SIL1: variants seen among roughly 807,000 people sequenced by gnomAD.
SIL1 encodes SIL1 nucleotide exchange factor.
SIL1 carries 40 observed loss-of-function variants against 49.1 expected under a neutral mutation model. The ratio of observed to expected loss-of-function variants is 0.81; its 90% CI spans 0.63 to 1.06. The LOEUF is 1.06. SIL1 is among the 50% of genes least tolerant of loss of function. The pLI, the probability that SIL1 is intolerant of heterozygous loss-of-function variation, is 0.00. For synonymous variants in SIL1, 253 were observed against 250.8 expected, an observed-to-expected ratio of 1.01 and a Z score of -0.08; for missense variants, 500 against 572.6, an observed-to-expected ratio of 0.87 and a Z score of 1.29.
chr5:139,182,402 G>A (rs976435500), intron 1 of SIL1, among the ~76,000 whole-genome samples: 3 of 152,192 alleles, frequency 2.0e-5, no homozygotes, highest in African/African-American at 7.2e-5. Context: ...TATTTCCAGG[G>A]CTAAGCAGGT....
chr5:138,960,688 T>TC (rs1767002085), intron 7 of SIL1, among the ~76,000 whole-genome samples: 2 of 152,250 alleles, frequency 1.3e-5, no homozygotes, highest in Non-Finnish European at 2.9e-5. Context: ...ACTCCTGGCC[T>TC]CAAGTGATCT....
chr5:139,039,471 C>T (rs1412497057), intron 5 of SIL1, among the ~76,000 whole-genome samples: 1 of 152,182 alleles, frequency 6.6e-6, no homozygotes, highest in African/African-American at 2.4e-5. Flanking sequence ...CTAGAAATAG[C>T]AGGCTTTTCT....
At chr5:138,969,890 C>A (rs556885613) in intron 7 of SIL1, among the ~76,000 whole-genome samples, 41 of 152,312 alleles carry the variant, frequency 2.7e-4, no homozygotes, top group African/African-American at 8.7e-4. Context: ...GGGCAAGGAA[C>A]CTCTAACACT....
At chr5:139,050,473 A>G (rs191722262) in intron 4 of SIL1, among the ~76,000 whole-genome samples, 6 of 152,382 alleles carry the variant, frequency 3.9e-5, no homozygotes, top group East Asian at 3.9e-4. Flanking sequence ...TTCTACTTTT[A>G]TACTATAAGA....
At chr5:139,029,479 CAA>C (rs1330313595) in intron 5 of SIL1, among the ~76,000 whole-genome samples, 4 of 152,074 alleles carry the variant, frequency 2.6e-5, no homozygotes, top group Non-Finnish European at 5.9e-5. Flanking sequence ...GATAATTAGC[CAA>C]GAGAGAAAAG....
intron 7 of SIL1, among the ~76,000 whole-genome samples, chr5:138,987,930 G>A (rs530073216): frequency 1.3e-5 from 2 of 152,230 alleles, no homozygotes; most frequent in East Asian, 3.9e-4. Context: ...TCCATCTCCC[G>A]GGTTCAAGCA....
chr5:139,041,532 G>A (rs565500642), intron 5 of SIL1, among the ~76,000 whole-genome samples: 63 of 152,130 alleles, frequency 4.1e-4, no homozygotes, highest in African/African-American at 1.4e-3. Flanking sequence ...TGCCCAGCAC[G>A]GTGGTTCATG....
At chr5:139,033,215 G>T (rs1025224031) in intron 5 of SIL1, among the ~76,000 whole-genome samples, 44 of 152,002 alleles carry the variant, frequency 2.9e-4, no homozygotes, top group African/African-American at 1.0e-3. Context: ...GACTGGTCTC[G>T]AACTCCTGAC....
chr5:139,145,457 G>A, intron 1 of SIL1, among the ~76,000 whole-genome samples: 1 of 152,110 alleles, frequency 6.6e-6, no homozygotes, highest in East Asian at 1.9e-4. Flanking sequence ...ATATGACCCA[G>A]CAATTCTTTG....
chr5:139,160,519 G>A (rs1371734134), intron 1 of SIL1, among the ~76,000 whole-genome samples: 1 of 152,208 alleles, frequency 6.6e-6, no homozygotes, highest in Non-Finnish European at 1.5e-5. Flanking sequence ...CTGTCTTGCT[G>A]GTGTATAGCT....
chr5:139,157,506 G>A (rs189489375), intron 1 of SIL1, among the ~76,000 whole-genome samples: 42 of 152,324 alleles, frequency 2.8e-4, no homozygotes, highest in African/African-American at 9.1e-4. Flanking sequence ...GTTGGTGTGA[G>A]CAGGCTGGCC....
intron 1 of SIL1, among the ~76,000 whole-genome samples, chr5:139,186,498 A>C (rs185930843): frequency 1.8e-4 from 27 of 152,278 alleles, no homozygotes; most frequent in African/African-American, 5.5e-4. Context: ...GAGATTATGA[A>C]TATCTGGCCT....
intron 1 of SIL1, among the ~76,000 whole-genome samples, chr5:139,129,061 C>T (rs1024595389): frequency 6.6e-6 from 1 of 151,852 alleles, no homozygotes; most frequent in Non-Finnish European, 1.5e-5. Context: ...GTGGGAGGAT[C>T]GCGTAAGCCT....
intron 7 of SIL1, among the ~76,000 whole-genome samples, chr5:139,020,940 G>T (rs1248463798): frequency 6.6e-6 from 1 of 152,180 alleles, no homozygotes; most frequent in Non-Finnish European, 1.5e-5. Flanking sequence ...GACCTAAGAT[G>T]TGTTATTAAA....
intron 1 of SIL1, among the ~76,000 whole-genome samples, chr5:139,148,713 C>G (rs1408006251): frequency 6.6e-6 from 1 of 152,118 alleles, no homozygotes; most frequent in Non-Finnish European, 1.5e-5. Context: ...GCCAAGTGGC[C>G]GTCCTTTGCC....
chr5:139,168,758 C>G (rs1268965745), intron 1 of SIL1, among the ~76,000 whole-genome samples: 1 of 151,908 alleles, frequency 6.6e-6, no homozygotes, highest in Non-Finnish European at 1.5e-5. Flanking sequence ...TCGCTTGAAC[C>G]CAGGAGTTTA....
At chr5:139,160,210 G>A (rs115512157) in intron 1 of SIL1, among the ~76,000 whole-genome samples, 1,714 of 150,610 alleles carry the variant, frequency 0.011, 25 homozygotes, top group African/African-American at 0.039. Flanking sequence ...TGGAGGAGTA[G>A]AAGAGATGGA....
At chr5:139,100,979 G>A (rs1770574946) in intron 3 of SIL1, among the ~76,000 whole-genome samples, 1 of 151,966 alleles carries the variant, frequency 6.6e-6, no homozygotes, top group South Asian at 2.1e-4. Context: ...CATCAGACTA[G>A]ATGAGTCACC....
chr5:139,171,517 A>G (rs938549578), intron 1 of SIL1, among the ~76,000 whole-genome samples: 79 of 152,166 alleles, frequency 5.2e-4, no homozygotes, highest in South Asian at 1.5e-3. Context: ...CTCGTTAAGA[A>G]TCATCACCAC....
Sources: gnomAD v4.1 joint callset for allele counts (sites outside exome capture counted in the v4.1 genomes callset) on GRCh38, gnomAD v4.1.1 for gene constraint, MANE v1.5 for transcripts, NCBI Gene and HGNC (gene_info 2026-07-23, HGNC 2026-07-21) for gene names.